The following SLC13A1 variants were observed in gnomAD, a reference collection of about 807,000 sequenced individuals.
The protein encoded by SLC13A1 is solute carrier family 13 member 1.
A neutral mutation model predicts 70.0 loss-of-function variants in SLC13A1; 65 were observed. That is an observed-to-expected ratio of 0.93 (90% CI 0.76 to 1.14). SLC13A1 has a LOEUF of 1.14. Among genes scored for constraint, SLC13A1 ranks in the 50% most tolerant of loss-of-function variants. SLC13A1 has a pLI of 0.00. For missense variants in SLC13A1, 726 were observed against 717.8 expected (o/e 1.01, Z -0.13); for synonymous variants, 275 against 250.5 (o/e 1.10, Z -0.92).
chr7:123,141,465 T>G (rs1194848026), intron 7 of SLC13A1, among the ~76,000 whole-genome samples: 1 of 152,176 alleles, frequency 6.6e-6, no homozygotes, highest in Non-Finnish European at 1.5e-5. Context: ...GTTTCTTTGT[T>G]GATTTTCTGT....
intron 8 of SLC13A1, among the ~76,000 whole-genome samples, chr7:123,134,038 G>C (rs1378133242): frequency 6.6e-6 from 1 of 151,662 alleles, no homozygotes; most frequent in African/African-American, 2.4e-5. Flanking sequence ...TTGTTGTTTT[G>C]TTTGTTGATT....
Position 123,134,549 on chromosome 7 carries a change from C to T in SLC13A1, c.813-20G>A, listed in dbSNP as rs2470983. ...TAGCGTCTGTGTGAAAACATGGAGA[C>T]GTGTTCAGGGATGGAGAGACAGGTG... On this transcript the variant is annotated intron_variant, in intron 7 of 14. Coordinates refer to ENST00000194130, the MANE Select transcript of SLC13A1 (RefSeq NM_022444.4). 3.1e-6 allele frequency: 5 copies of T among 1,609,148 alleles called. No homozygotes were observed. Among genetic ancestry groups the T allele is most frequent in the Non-Finnish European group, 4.2e-6 (5 of 1,177,382 alleles).
intron 1 of SLC13A1, chr7:123,186,810 G>T: frequency 2.2e-6 from 1 of 450,836 alleles, no homozygotes; most frequent in Non-Finnish European, 4.5e-6. Flanking sequence ...TTAGTATTAT[G>T]AATTCTTAAA....
At chr7:123,118,783 T>C (rs765320343) in intron 13 of SLC13A1, among the ~76,000 whole-genome samples, 4 of 152,124 alleles carry the variant, frequency 2.6e-5, no homozygotes, top group Non-Finnish European at 5.9e-5. Context: ...ATTCCAAGTC[T>C]TACATCTGAA....
intron 2 of SLC13A1, among the ~76,000 whole-genome samples, chr7:123,177,950 G>A (rs1450507432): frequency 1.3e-5 from 2 of 151,728 alleles, no homozygotes; most frequent in Non-Finnish European, 2.9e-5. Context: ...CCCTGGCAGG[G>A]TACTACCATA....
chr7:123,157,971 A>AT (rs1794767898), intron 6 of SLC13A1, among the ~76,000 whole-genome samples: 1 of 152,040 alleles, frequency 6.6e-6, no homozygotes, highest in Non-Finnish European at 1.5e-5. Flanking sequence ...AACCATGAGC[A>AT]TTTTTTCTTA....
In SLC13A1 at chr7:123,114,165, GATATAACATCTGC is replaced by G. The variant is rs1014593594; in HGVS notation, c.*1340_*1352del. The stretch of plus-strand genomic sequence containing the variant: ...GTATTTTTAGCATGAGAATTGCTGT[GATATAACATCTGC>G]ATCTTTTGCTAACTGTGCACCTTAC... On this transcript the variant is annotated 3_prime_UTR_variant, in exon 15 of 15. Coordinates refer to ENST00000194130, the MANE Select transcript of SLC13A1 (RefSeq NM_022444.4). The G allele has an allele frequency of 2.9e-4, 43 of 150,812 alleles. 1 individual carries two copies. The highest frequency in any genetic ancestry group is 1.0e-3 in the African/African-American group (43 of 41,160). The allele number at this position is 150,812 out of a possible 1,614,324, so 9.3% of individuals were successfully genotyped here.
chr7:123,130,727 T>TA (rs1324896425), intron 8 of SLC13A1, among the ~76,000 whole-genome samples: 1 of 152,172 alleles, frequency 6.6e-6, no homozygotes, highest in Non-Finnish European at 1.5e-5. Flanking sequence ...AGATAAAATT[T>TA]AAAAAAGAAG....
chr7:123,187,120 A>C (rs1795826610), intron 1 of SLC13A1, among the ~76,000 whole-genome samples: 1 of 152,126 alleles, frequency 6.6e-6, no homozygotes, highest in Non-Finnish European at 1.5e-5. Flanking sequence ...ATTGTGTGGA[A>C]ACCAGGTGAA....
At chr7:123,128,987 G>C in intron 9 of SLC13A1, 41 bp from the exon 10 acceptor site, 5 of 1,358,116 alleles carry the variant, frequency 3.7e-6, no homozygotes, top group Non-Finnish European at 4.2e-6. Context: ...TATTTTCTCA[G>C]TCGGGACATT....
chr7:123,123,268 C>G (rs767507552), intron 11 of SLC13A1, 33 bp from the exon 12 acceptor site: 1 of 1,305,876 alleles, frequency 7.7e-7, no homozygotes, highest in Non-Finnish European at 1.1e-6. Flanking sequence ...TTACACATTG[C>G]TTAAAATATT....
At chr7:123,171,582 G>GT (rs771357596) in intron 3 of SLC13A1, among the ~76,000 whole-genome samples, 186 bp downstream of exon 3, 101 of 150,902 alleles carry the variant, frequency 6.7e-4, no homozygotes, top group African/African-American at 1.0e-3. Flanking sequence ...AGTGAAAGTT[G>GT]TTTTTTTTTC....
chr7:123,122,160 T>A lies in SLC13A1; in HGVS notation c.1350+966A>T, dbSNP rs74748428. Among the ~76,000 whole-genome samples, 1,397 of 152,216 alleles carry A rather than the reference T, an allele frequency of 9.2e-3. 18 individuals are homozygous for A. Among genetic ancestry groups the A allele is most frequent in the African/African-American group, 0.032 (1,324 of 41,550 alleles). On this transcript the variant is annotated intron_variant, in intron 12 of 14. Transcript: ENST00000194130. ...AGGATCCAATCCAGACACATAACTC[T>A]GTGCAGAAAAATTGTCAATAAAGTT... is the stretch of plus-strand genomic sequence containing the variant.
At chr7:123,174,731 C>T (rs1196672977) in intron 2 of SLC13A1, among the ~76,000 whole-genome samples, 1 of 152,096 alleles carries the variant, frequency 6.6e-6, no homozygotes, top group Non-Finnish European at 1.5e-5. Context: ...ATATTTTCAA[C>T]ATGTCATAAA....
intron 8 of SLC13A1, among the ~76,000 whole-genome samples, chr7:123,133,559 C>G (rs560091231): frequency 4.6e-5 from 7 of 152,096 alleles, no homozygotes; most frequent in African/African-American, 1.7e-4. Flanking sequence ...TTATTTGAGA[C>G]AAGAGTCTCG....
rs539578629 is a variant in SLC13A1, at chr7:123,180,083, G to C, written c.228+890C>G. The stretch of plus-strand genomic sequence containing the variant: ...AATGGCCATTAGAAAGAAAAGACTC[G>C]AAGTTAGGTGGGAGGGGAAAACCCA... On this transcript the variant is annotated intron_variant, in intron 2 of 14. Transcript: ENST00000194130. Among the ~76,000 whole-genome samples, 38 of 152,174 alleles carry C rather than the reference G, an allele frequency of 2.5e-4. No individual in the cohort carries two copies. The South Asian group carries it at 7.5e-3, about 30-fold the overall frequency.
intron 1 of SLC13A1, among the ~76,000 whole-genome samples, chr7:123,193,722 T>C (rs1796075540): frequency 6.6e-6 from 1 of 152,212 alleles, no homozygotes; most frequent in African/African-American, 2.4e-5. Context: ...TCTGAGTTTC[T>C]GTTCTGTAAA....
At chr7:123,120,010 TA>T (rs2116258245) in intron 12 of SLC13A1, among the ~76,000 whole-genome samples, 1 of 152,150 alleles carries the variant, frequency 6.6e-6, no homozygotes, top group South Asian at 2.1e-4. Flanking sequence ...AAATTAAAAC[TA>T]AAAAACTCCC....
At chr7:123,119,868 TTAAA>T (rs1383015122) in intron 12 of SLC13A1, among the ~76,000 whole-genome samples, 2 of 152,022 alleles carry the variant, frequency 1.3e-5, no homozygotes, top group African/African-American at 4.8e-5. Flanking sequence ...ACCCCTATGA[TTAAA>T]TAAATATTGT....
Sources: gnomAD v4.1 joint callset for allele counts (sites outside exome capture counted in the v4.1 genomes callset) on GRCh38, gnomAD v4.1.1 for gene constraint, MANE v1.5 for transcripts, NCBI Gene and HGNC (gene_info 2026-07-23, HGNC 2026-07-21) for gene names.